ZNF320: variants seen among roughly 807,000 people sequenced by gnomAD.
ZNF320 encodes the protein zinc finger protein 320, also known as zinc finger gene 320.
Under a neutral mutation model 6.8 loss-of-function variants are expected in ZNF320, and 2 were observed. That is an observed-to-expected ratio of 0.29 (90% CI 0.12 to 0.93). The LOEUF (loss-of-function observed/expected upper bound fraction) is 0.93, where lower values mean the gene tolerates loss of function less well. Ranked by LOEUF, ZNF320 falls within the 40% of genes least tolerant of loss-of-function variation. The pLI, the probability that ZNF320 is intolerant of heterozygous loss-of-function variation, is 0.55. For missense variants in ZNF320, 472 were observed against 611.0 expected, an observed-to-expected ratio of 0.77 and a Z score of 2.40; for synonymous variants, 208 against 203.2, an observed-to-expected ratio of 1.02 and a Z score of -0.20.
chr19:52,897,020 T>C (rs1253858007), intron 1 of ZNF320, among the ~76,000 whole-genome samples: 3 of 152,206 alleles, frequency 2.0e-5, no homozygotes, highest in Non-Finnish European at 4.4e-5. Flanking sequence ...AAATCCTTCA[T>C]CCAGATAAGG....
intron 1 of ZNF320, chr19:52,894,972 A>G (rs1380093836): frequency 6.6e-6 from 1 of 152,274 alleles, no homozygotes; most frequent in Non-Finnish European, 1.5e-5. Flanking sequence ...TGTTTTCTTC[A>G]TGAACACATG....
intron 5 of ZNF320, among the ~76,000 whole-genome samples, chr19:52,868,677 T>A (rs1006875270): frequency 6.6e-6 from 1 of 151,796 alleles, no homozygotes; most frequent in Admixed American, 6.6e-5. Flanking sequence ...CTAAGCAAAA[T>A]AGTCCACCAA....
At chr19:52,864,793 CATG>C (rs2063514742) in intron 5 of ZNF320, among the ~76,000 whole-genome samples, 1 of 152,086 alleles carries the variant, frequency 6.6e-6, no homozygotes, top group South Asian at 2.1e-4. Flanking sequence ...GCAGGCAGAT[CATG>C]ATGTCAGGAG....
downstream of ZNF320, among the ~76,000 whole-genome samples, chr19:52,860,560 T>C (rs1036180442): frequency 3.5e-5 from 5 of 144,234 alleles, no homozygotes; most frequent in African/African-American, 7.9e-5. Flanking sequence ...GATTGTGCCA[T>C]TGCACTCCAG....
At chr19:52,896,368 G>A (rs139262158) in intron 1 of ZNF320, among the ~76,000 whole-genome samples, 241 of 152,306 alleles carry the variant, frequency 1.6e-3, no homozygotes, top group African/African-American at 5.4e-3. Context: ...TGGGATTACA[G>A]GCATGAGCCA....
chr19:52,902,856 A>AT, the ZNF320 span, among the ~76,000 whole-genome samples: 1 of 152,138 alleles, frequency 6.6e-6, no homozygotes, highest in African/African-American at 2.4e-5. Context: ...AACCTGTTGC[A>AT]TTTTTACTTT....
At chr19:52,884,891 A>G (rs1296618158) in intron 5 of ZNF320, among the ~76,000 whole-genome samples, 1 of 152,354 alleles carries the variant, frequency 6.6e-6, no homozygotes, top group East Asian at 1.9e-4. Context: ...ACTTGAAGCC[A>G]TCTAATAGCA....
rs114822112 is a variant in ZNF320 at position 52,884,248 on chromosome 19, G to A, written c.143-2265C>T. ...CCCAGTTTAAGCTACTTCCTTTTTC[G>A]TTTATTCTTCAGATCGAGTCACGCT... On this transcript the variant is annotated intron_variant, in intron 5 of 5. Coordinates refer to ENST00000682928, the MANE Select transcript of ZNF320 (RefSeq NM_001351774.2). Among the ~76,000 whole-genome samples, 444 of 152,018 alleles carry A rather than the reference G, an allele frequency of 2.9e-3. 1 individual carries two copies. Among genetic ancestry groups the A allele is most frequent in the African/African-American group, 9.9e-3 (409 of 41,470 alleles).
chr19:52,891,813 C>T (rs1005237306), intron 2 of ZNF320, among the ~76,000 whole-genome samples: 5 of 152,064 alleles, frequency 3.3e-5, no homozygotes, highest in African/African-American at 9.7e-5. Context: ...ACATATTCAC[C>T]GAGTTACCCT....
At chr19:52,886,244 C>T (rs1568719433) in intron 5 of ZNF320, among the ~76,000 whole-genome samples, 1 of 152,098 alleles carries the variant, frequency 6.6e-6, no homozygotes, top group Non-Finnish European at 1.5e-5. Flanking sequence ...AAGTGACTCT[C>T]CTGCCTGAGC....
chr19:52,875,476 T>G (rs529957554), downstream of ZNF320, among the ~76,000 whole-genome samples: 3 of 152,062 alleles, frequency 2.0e-5, no homozygotes, highest in African/African-American at 4.8e-5. Flanking sequence ...TTTTCCATTC[T>G]GGTATTTGTG....
intron 5 of ZNF320, among the ~76,000 whole-genome samples, chr19:52,887,315 G>C (rs567744850): frequency 1.3e-5 from 2 of 152,316 alleles, no homozygotes; most frequent in South Asian, 4.1e-4. Flanking sequence ...GGAGATAACA[G>C]GTCAGAAAGA....
At chr19:52,886,966 A>T (rs199979660) in intron 5 of ZNF320, among the ~76,000 whole-genome samples, 2 of 78,566 alleles carry the variant, frequency 2.5e-5, no homozygotes, top group African/African-American at 8.6e-5. Context: ...AGAAAGAAAG[A>T]AAAGAAAGAA....
At chr19:52,900,151 G>C (rs1377338197), upstream of ZNF320, among the ~76,000 whole-genome samples, 1 of 152,170 alleles carries the variant, frequency 6.6e-6, no homozygotes, top group Middle Eastern at 3.2e-3. Flanking sequence ...ATAACCTGGT[G>C]GGGGCCGTCT....
intron 4 of ZNF320, among the ~76,000 whole-genome samples, chr19:52,890,031 C>G (rs2064236402): frequency 6.6e-6 from 1 of 152,078 alleles, no homozygotes; most frequent in African/African-American, 2.4e-5. Context: ...TTCCCAGGAC[C>G]ATGCCCAGTG....
At chr19:52,865,386 C>G in intron 5 of ZNF320, 1 of 311,554 alleles carries the variant, frequency 3.2e-6, no homozygotes. Context: ...TCCTGTAGTT[C>G]TCCCAAATCA....
chr19:52,885,368 G>A (rs2064043031), intron 5 of ZNF320, among the ~76,000 whole-genome samples: 1 of 151,980 alleles, frequency 6.6e-6, no homozygotes. Flanking sequence ...ATCACCTGGG[G>A]TCAAGGGTTC....
intron 5 of ZNF320, among the ~76,000 whole-genome samples, chr19:52,883,182 C>T (rs1440270370): frequency 1.3e-5 from 2 of 152,004 alleles, no homozygotes; most frequent in Admixed American, 1.3e-4. Context: ...CCTGGGATTA[C>T]AGGCGCACAC....
rs2063876587 is a variant in ZNF320 at position 52,880,342 on chromosome 19, C to T, written c.*254G>A. The T allele has an allele frequency of 2.1e-5, 8 of 374,912 alleles. No individual in the cohort carries two copies. In the South Asian group the frequency reaches 4.0e-4, roughly 19 times the overall value. 23.2% of individuals were successfully genotyped at this position (374,912 alleles called of 1,614,324 possible). Reference sequence around the variant, plus strand: ...CAACGTGGGCGACAGAGCAAGATTCCATCTTAAAAATAAATAAATAAATAA... The same window carrying T: ...CAACGTGGGCGACAGAGCAAGATTCTATCTTAAAAATAAATAAATAAATAA... On this transcript the variant is annotated 3_prime_UTR_variant, in exon 6 of 6. Coordinates refer to ENST00000682928, the MANE Select transcript of ZNF320 (RefSeq NM_001351774.2).
Sources: allele counts gnomAD v4.1 joint callset (sites outside exome capture counted in the v4.1 genomes callset), GRCh38; gene constraint gnomAD v4.1.1; transcripts MANE v1.5; gene names NCBI Gene and HGNC (gene_info 2026-07-23, HGNC 2026-07-21).